CTNNA2: variants seen among roughly 807,000 people sequenced by gnomAD.
The protein encoded by CTNNA2 is catenin alpha 2.
CTNNA2 carries 42 observed loss-of-function variants against 101.0 expected under a neutral mutation model. That is an observed-to-expected ratio of 0.42 (90% CI 0.32 to 0.54). CTNNA2 has a LOEUF of 0.54. Among genes scored for constraint, CTNNA2 ranks in the 20% least tolerant of loss-of-function variants. The pLI is 0.14. For synonymous variants in CTNNA2, 450 were observed against 456.4 expected, an observed-to-expected ratio of 0.99 and a Z score of 0.18; for missense variants, 871 against 1,223.1, an observed-to-expected ratio of 0.71 and a Z score of 4.29.
chr2:79,241,158 A>G lies in CTNNA2; in HGVS notation c.-406+43082A>G, dbSNP rs550851719. Among the ~76,000 whole-genome samples, 4 of 152,362 alleles carry G rather than the reference A, an allele frequency of 2.6e-5. No homozygotes were observed. In the South Asian group the frequency reaches 6.2e-4, roughly 24 times the overall value. ...TGATCCATTGTATTCATTATTTATC[A>G]TAATAGTTACCATTATTGGGTACTA... is the stretch of plus-strand genomic sequence containing the variant. On this transcript the variant is annotated intron_variant, in intron 2 of 21. Coordinates refer to the CTNNA2 transcript ENST00000466387.
intron 9 of CTNNA2, among the ~76,000 whole-genome samples, chr2:80,455,055 AG>A (rs112738971): frequency 0.025 from 3,748 of 152,376 alleles, 139 homozygotes; most frequent in African/African-American, 0.079. Flanking sequence ...TTGGACCAAA[AG>A]ACAAGTCCCT....
chr2:79,934,171 G>A (rs1208840047), intron 7 of CTNNA2, among the ~76,000 whole-genome samples: 3 of 152,062 alleles, frequency 2.0e-5, no homozygotes, highest in Non-Finnish European at 4.4e-5. Context: ...TTTTAATTTT[G>A]CCTATCATCC....
At chr2:80,030,105 T>G (rs1416912407) in intron 7 of CTNNA2, among the ~76,000 whole-genome samples, 1 of 152,040 alleles carries the variant, frequency 6.6e-6, no homozygotes, top group African/African-American at 2.4e-5. Context: ...GGCATCTAAG[T>G]GGAAAACAGA....
At chr2:79,441,690 G>T (rs538193757) in intron 4 of CTNNA2, among the ~76,000 whole-genome samples, 1 of 152,188 alleles carries the variant, frequency 6.6e-6, no homozygotes, top group South Asian at 2.1e-4. Context: ...ACAATGGAGT[G>T]GTACTTTTAA....
chr2:80,559,268 A>G (rs543871865), intron 12 of CTNNA2, among the ~76,000 whole-genome samples: 4 of 152,196 alleles, frequency 2.6e-5, no homozygotes, highest in Non-Finnish European at 4.4e-5. Context: ...ACAAAGAAGA[A>G]TCTGTAAAAG....
intron 14 of CTNNA2, 34 bp downstream of exon 14, chr2:80,581,853 C>T: frequency 8.0e-7 from 1 of 1,251,378 alleles, no homozygotes; most frequent in South Asian, 1.2e-5. Context: ...GCTTGGCACA[C>T]AGGGACCGTG....
Position 80,589,372 on chromosome 2 carries a change from A to G in CTNNA2, c.2076A>G (p.Gln692=). The G allele has an allele frequency of 2.5e-6, 4 of 1,614,136 alleles. No homozygotes were observed. Among genetic ancestry groups the G allele is most frequent in the Non-Finnish European group, 3.4e-6 (4 of 1,179,998 alleles). Residue 692 remains glutamine, a synonymous_variant, in exon 15 of 19, where the codon CAA becomes CAG. Transcript: ENST00000402739. ...KIAEQVEIFH[Q]EKSKLDAEVA... ...CTGAGCAGGTGGAGATATTCCATCA[A>G]GAGAAAAGCAAGCTGGATGCAGAAG...
intron 7 of CTNNA2, among the ~76,000 whole-genome samples, chr2:80,343,477 A>G (rs1331835094): frequency 2.0e-5 from 3 of 151,806 alleles, no homozygotes; most frequent in Non-Finnish European, 4.4e-5. Flanking sequence ...AAGGATGAAA[A>G]TGATTATATA....
intron 7 of CTNNA2, among the ~76,000 whole-genome samples, chr2:80,231,237 T>G (rs1045339638): frequency 1.3e-5 from 2 of 152,076 alleles, no homozygotes; most frequent in Admixed American, 1.3e-4. Flanking sequence ...TCCACCCTCC[T>G]CAGTCTCCCA....
chr2:80,187,931 T>C (rs1414445169), intron 7 of CTNNA2, among the ~76,000 whole-genome samples: 1 of 152,064 alleles, frequency 6.6e-6, no homozygotes, highest in Non-Finnish European at 1.5e-5. Context: ...AGGTTGTAGA[T>C]GTATAGGTTA....
At chr2:79,303,756 A>G (rs531507472) in intron 2 of CTNNA2, among the ~76,000 whole-genome samples, 4 of 152,112 alleles carry the variant, frequency 2.6e-5, no homozygotes, top group African/African-American at 9.6e-5. Context: ...TATTACTTAC[A>G]GATTCCAGGG....
At chr2:79,578,352 C>T (rs1050405518) in intron 1 of CTNNA2, among the ~76,000 whole-genome samples, 9 of 151,918 alleles carry the variant, frequency 5.9e-5, no homozygotes, top group African/African-American at 9.7e-5. Context: ...TATTCTTTAA[C>T]GGTATATTCA....
At position 80,343,942 on chromosome 2, in the gene CTNNA2, C is replaced by T. The variant is rs114723777; in HGVS notation, c.1057-49269C>T. Among the ~76,000 whole-genome samples the T allele has an allele frequency of 2.1e-3, 315 of 152,272 alleles. 5 individuals are homozygous for T. In the South Asian group the frequency reaches 0.024, roughly 11 times the overall value. ...GTATCTCTCTAGCTATTTCCCCATTCCTTTATCCCTTTGGTAACAAAACTT... is the reference window on the plus strand; with the variant it reads ...GTATCTCTCTAGCTATTTCCCCATTTCTTTATCCCTTTGGTAACAAAACTT... On this transcript the variant is annotated intron_variant, in intron 7 of 18. Coordinates refer to ENST00000402739, the MANE Select transcript of CTNNA2 (RefSeq NM_001282597.3).
chr2:79,711,325 C>A (rs1685724824), intron 2 of CTNNA2, among the ~76,000 whole-genome samples: 1 of 152,134 alleles, frequency 6.6e-6, no homozygotes, highest in Non-Finnish European at 1.5e-5. Flanking sequence ...TCTGCTATTA[C>A]TTTGCTTGGA....
intron 2 of CTNNA2, among the ~76,000 whole-genome samples, chr2:79,284,524 G>T (rs1178439237): frequency 6.6e-6 from 1 of 151,738 alleles, no homozygotes; most frequent in Non-Finnish European, 1.5e-5. Context: ...TAATCATGTG[G>T]TTTTTGTCTT....
chr2:79,338,572 C>CTCTTCTTCTTCTTCTTCTTCT (rs1206814071), intron 3 of CTNNA2, among the ~76,000 whole-genome samples: 3 of 127,240 alleles, frequency 2.4e-5, no homozygotes, highest in African/African-American at 9.1e-5. Flanking sequence ...CTTCTTCCTC[C>CTCTTCTTCTTCTTCTTCTTCT]TCATCATCTT....
chr2:80,433,066 C>A (rs2149429103), intron 9 of CTNNA2, among the ~76,000 whole-genome samples: 1 of 152,194 alleles, frequency 6.6e-6, no homozygotes, highest in East Asian at 1.9e-4. Context: ...TGGGACCTAT[C>A]CCAACACAAC....
intron 9 of CTNNA2, among the ~76,000 whole-genome samples, chr2:80,517,785 C>T (rs1689216863): frequency 6.6e-6 from 1 of 152,308 alleles, no homozygotes; most frequent in African/African-American, 2.4e-5. Context: ...ATTGCATCAA[C>T]ACTGAGTCAT....
intron 3 of CTNNA2, among the ~76,000 whole-genome samples, chr2:79,320,260 A>ATTTTTTTTTTTTTTTT (rs34694986): frequency 1.8e-4 from 21 of 119,784 alleles, no homozygotes; most frequent in Non-Finnish European, 2.4e-4. Context: ...TTACGTTTCA[A>ATTTTTTTTTTTTTTTT]TTTTTTTTTT....
Sources: allele counts gnomAD v4.1 joint callset (sites outside exome capture counted in the v4.1 genomes callset), GRCh38; gene constraint gnomAD v4.1.1; transcripts MANE v1.5; gene names NCBI Gene and HGNC (gene_info 2026-07-23, HGNC 2026-07-21).